DAPK2: variants seen among roughly 807,000 people sequenced by gnomAD.
DAPK2 encodes death-associated protein kinase 2.
A neutral mutation model predicts 44.1 loss-of-function variants in DAPK2; 35 were observed. That is an observed-to-expected ratio of 0.79 (90% CI 0.61 to 1.05). The LOEUF (loss-of-function observed/expected upper bound fraction) is 1.05, where lower values mean the gene tolerates loss of function less well. DAPK2 is among the 50% of genes least tolerant of loss of function. The probability of loss-of-function intolerance (pLI) is 0.00; values close to 1 mark genes in which losing one functional copy is unlikely to be tolerated. For synonymous variants in DAPK2, 174 were observed against 182.6 expected, an observed-to-expected ratio of 0.95 and a Z score of 0.38; for missense variants, 453 against 483.2, an observed-to-expected ratio of 0.94 and a Z score of 0.59.
chr15:63,957,267 A>T (rs2077750470), intron 3 of DAPK2, among the ~76,000 whole-genome samples: 1 of 152,106 alleles, frequency 6.6e-6, no homozygotes, highest in African/African-American at 2.4e-5. Context: ...TGGCCTGGAA[A>T]ATCTTTTTTC....
upstream of DAPK2, among the ~76,000 whole-genome samples, chr15:64,044,850 CA>C (rs2080424043): frequency 6.6e-6 from 1 of 152,158 alleles, no homozygotes; most frequent in African/African-American, 2.4e-5. Flanking sequence ...AATGGTTGGG[CA>C]AAACACACAC....
intron 1 of DAPK2, among the ~76,000 whole-genome samples, chr15:64,030,507 A>G (rs1254984852): frequency 2.0e-5 from 3 of 151,988 alleles, no homozygotes; most frequent in Non-Finnish European, 4.4e-5. Flanking sequence ...ATGGAATCCC[A>G]CCAAGGGAAT....
At chr15:63,946,585 C>T (rs2077454942) in intron 3 of DAPK2, among the ~76,000 whole-genome samples, 1 of 152,200 alleles carries the variant, frequency 6.6e-6, no homozygotes, top group Non-Finnish European at 1.5e-5. Context: ...TTCTGGGATG[C>T]AGCATGAACA....
chr15:63,987,501 C>A (rs1460538205), intron 1 of DAPK2, among the ~76,000 whole-genome samples: 3 of 152,200 alleles, frequency 2.0e-5, no homozygotes, highest in African/African-American at 7.2e-5. Flanking sequence ...GCAAAGCACA[C>A]ATATTCCAGT....
At chr15:64,041,586 G>C (rs568472688), upstream of DAPK2, among the ~76,000 whole-genome samples, 15 of 152,260 alleles carry the variant, frequency 9.9e-5, no homozygotes, top group East Asian at 5.8e-4. Flanking sequence ...CTTTAGCAAA[G>C]GCCTGTCAGA....
chr15:63,926,301 C>T (rs1049933756), intron 6 of DAPK2: 14 of 498,182 alleles, frequency 2.8e-5, no homozygotes, highest in African/African-American at 2.4e-4. Flanking sequence ...AAGCACCCGA[C>T]AGAGAGAAAT....
chr15:63,970,062 GATT>G (rs752619328), intron 3 of DAPK2, among the ~76,000 whole-genome samples: 2 of 152,166 alleles, frequency 1.3e-5, no homozygotes, highest in Non-Finnish European at 2.9e-5. Context: ...ATCTTACCTA[GATT>G]ATTGCTTTAG....
At chr15:63,969,701 A>T (rs1440756033) in intron 3 of DAPK2, among the ~76,000 whole-genome samples, 1 of 151,478 alleles carries the variant, frequency 6.6e-6, no homozygotes, top group Non-Finnish European at 1.5e-5. Context: ...TGATCACACC[A>T]CTGTGTTCCA....
intron 1 of DAPK2, among the ~76,000 whole-genome samples, chr15:64,027,478 T>G (rs560501556): frequency 1.3e-5 from 2 of 152,048 alleles, no homozygotes; most frequent in Admixed American, 1.3e-4. Context: ...GAGGATTGCC[T>G]GAACCCAAGG....
rs543324514 is a variant in DAPK2, at chr15:63,993,118, G to A, written c.93-9364C>T. 5.3e-5 allele frequency among the ~76,000 whole-genome samples: 8 copies of A among 151,994 alleles called. No homozygotes were observed. The East Asian group carries it at 1.5e-3, about 29-fold the overall frequency. Reference sequence around the variant, plus strand: ...CCCTCCCCTCTCCTGCATCCAGCCCGCCTCCTGTGAACTTTCCACCTCTTC... The same window carrying A: ...CCCTCCCCTCTCCTGCATCCAGCCCACCTCCTGTGAACTTTCCACCTCTTC... On this transcript the variant is annotated intron_variant, in intron 1 of 10. Transcript: ENST00000261891.
chr15:63,997,215 C>T (rs1352786261), intron 1 of DAPK2, among the ~76,000 whole-genome samples: 3 of 152,226 alleles, frequency 2.0e-5, no homozygotes, highest in Non-Finnish European at 2.9e-5. Context: ...TAAGCCATTA[C>T]AGGCTTTGGC....
intron 3 of DAPK2, among the ~76,000 whole-genome samples, chr15:63,947,507 C>G (rs1190578194): frequency 6.6e-6 from 1 of 152,180 alleles, no homozygotes; most frequent in African/African-American, 2.4e-5. Flanking sequence ...TAGATAATGG[C>G]TAAGCATGCA....
chr15:63,969,403 G>C (rs1331958903), intron 3 of DAPK2, among the ~76,000 whole-genome samples: 1 of 151,640 alleles, frequency 6.6e-6, no homozygotes, highest in Non-Finnish European at 1.5e-5. Flanking sequence ...CTGGGTGACA[G>C]AGTGAGACCC....
At chr15:63,997,468 C>G (rs1326301370) in intron 1 of DAPK2, among the ~76,000 whole-genome samples, 1 of 152,204 alleles carries the variant, frequency 6.6e-6, no homozygotes, top group Non-Finnish European at 1.5e-5. Context: ...GTAGCTGGGA[C>G]TACATGTGCC....
At chr15:63,934,275 T>TTTTTTG (rs2077070231) in intron 4 of DAPK2, among the ~76,000 whole-genome samples, 1 of 141,876 alleles carries the variant, frequency 7.0e-6, no homozygotes, top group African/African-American at 2.8e-5. Context: ...TTTTTTTTTT[T>TTTTTTG]GAGACTGAGT....
At chr15:64,036,407 T>C (rs780353430) in intron 1 of DAPK2, among the ~76,000 whole-genome samples, 48 of 146,700 alleles carry the variant, frequency 3.3e-4, no homozygotes, top group Admixed American at 5.6e-4. Flanking sequence ...CATGTCTTCA[T>C]ATAAATACTC....
chr15:64,039,425 T>A (rs2080297972), intron 1 of DAPK2, among the ~76,000 whole-genome samples: 1 of 152,244 alleles, frequency 6.6e-6, no homozygotes, highest in Non-Finnish European at 1.5e-5. Flanking sequence ...GCCCAAACGC[T>A]GGACCACAGT....
intron 3 of DAPK2, among the ~76,000 whole-genome samples, chr15:63,954,405 T>G (rs2077667370): frequency 6.6e-6 from 1 of 152,204 alleles, no homozygotes; most frequent in African/African-American, 2.4e-5. Context: ...TTGAAGAGAC[T>G]GTCCTTTCCC....
chr15:64,021,764 C>T (rs2079689618), intron 1 of DAPK2, among the ~76,000 whole-genome samples: 2 of 152,186 alleles, frequency 1.3e-5, no homozygotes, highest in South Asian at 4.1e-4. Flanking sequence ...TGGGAAGGCC[C>T]CAGAGGGAGA....
Sources: allele counts gnomAD v4.1 joint callset (sites outside exome capture counted in the v4.1 genomes callset), GRCh38; gene constraint gnomAD v4.1.1; transcripts MANE v1.5; gene names NCBI Gene and HGNC (gene_info 2026-07-23, HGNC 2026-07-21).